ELAC2: variants seen among roughly 807,000 people sequenced by gnomAD.
ELAC2 encodes zinc phosphodiesterase ELAC protein 2.
ELAC2 carries 92 observed loss-of-function variants against 105.2 expected under a neutral mutation model. That is an observed-to-expected ratio of 0.87 (90% CI 0.74 to 1.04). The LOEUF is 1.04. Among genes scored for constraint, ELAC2 ranks in the 50% least tolerant of loss-of-function variants. The pLI is 0.00. For synonymous variants in ELAC2, 468 were observed against 409.1 expected, an observed-to-expected ratio of 1.14 and a Z score of -1.74; for missense variants, 1,099 against 1,071.7, an observed-to-expected ratio of 1.03 and a Z score of -0.36.
rs751069541 is a variant in ELAC2 at position 13,003,459 on chromosome 17, C to T, written c.1079+20G>A. ...TGCCCAGAAGAGTTACCCCAAGTGC[C>T]GCTGGGCTGGGCTCCATACCTCTCC... is the stretch of plus-strand genomic sequence containing the variant. On this transcript the variant is annotated intron_variant, in intron 12 of 23. Transcript: ENST00000338034. The T allele has an allele frequency of 3.7e-6, 6 of 1,611,804 alleles. No individual in the cohort carries two copies. The highest frequency in any genetic ancestry group is 2.2e-5 in the East Asian group (1 of 44,882).
intron 17 of ELAC2, chr17:12,996,275 CT>C: frequency 1.6e-6 from 1 of 634,510 alleles, no homozygotes. Context: ...AAAGCTTCCG[CT>C]GAGCAGGCCG....
In ELAC2 at chr17:13,015,805, C is replaced by G. The variant is rs377463613; in HGVS notation, c.395G>C (p.Gly132Ala). 1.3e-4 allele frequency: 206 copies of G among 1,613,872 alleles called. No homozygotes were observed. The highest frequency in any genetic ancestry group is 1.6e-4 in the Non-Finnish European group (189 of 1,179,942). ...TCCAGAAAGTACACACTTTGGAAGC[C>G]CGGTTTCCTTTAAAGTAAGAATCAT... ...SGMILTLKET[G>A]LPKCVLSGPP... The change falls in exon 4 of 24, where the codon GGG (glycine) becomes GCG (alanine). Residue 132 changes from glycine to alanine, a missense_variant. Physicochemically the swap from Gly to Ala is moderately conservative, Grantham distance 60. Coordinates refer to ENST00000338034, the MANE Select transcript of ELAC2 (RefSeq NM_018127.7).
At chr17:12,996,383 G>T in intron 17 of ELAC2, 164 bp downstream of exon 17, 1 of 962,960 alleles carries the variant, frequency 1.0e-6, no homozygotes, top group South Asian at 1.4e-5. Flanking sequence ...TTGTGGCGCA[G>T]AAGGACTATG....
chr17:12,995,616 G>T, intron 19 of ELAC2, 87 bp downstream of exon 19: 3 of 1,301,378 alleles, frequency 2.3e-6, no homozygotes, highest in East Asian at 2.5e-5. Context: ...GGGGGATATT[G>T]GTAACTACCC....
chr17:13,010,527 T>C (rs762351713), intron 8 of ELAC2, 86 bp downstream of exon 8: 3 of 1,240,630 alleles, frequency 2.4e-6, no homozygotes, highest in Non-Finnish European at 3.5e-6. Flanking sequence ...CAGGAGTGCC[T>C]ACCCTCAAAT....
At chr17:12,995,107 G>C (rs1567743174) in intron 19 of ELAC2, 45 bp from the exon 20 acceptor site, 1 of 1,601,006 alleles carries the variant, frequency 6.2e-7, no homozygotes, top group East Asian at 2.2e-5. Context: ...ACGTTTCTTG[G>C]ACATCTGGAA....
intron 1 of ELAC2, 55 bp from the exon 2 acceptor site, chr17:13,017,176 T>C (rs1309835508): frequency 6.8e-7 from 1 of 1,460,082 alleles, no homozygotes; most frequent in Non-Finnish European, 9.6e-7. Flanking sequence ...GTAAACTCTC[T>C]GACACCAATT....
chr17:12,995,838 C>G (rs1359736382), intron 18 of ELAC2, 26 bp from the exon 19 acceptor site: 1 of 1,595,756 alleles, frequency 6.3e-7, no homozygotes, highest in Non-Finnish European at 8.5e-7. Flanking sequence ...CAAGTGCCGA[C>G]TCGACGACAG....
intron 8 of ELAC2, among the ~76,000 whole-genome samples, chr17:13,009,880 T>C (rs548357211): frequency 1.3e-5 from 2 of 151,678 alleles, no homozygotes; most frequent in Non-Finnish European, 2.9e-5. Context: ...TCCTAGCTAC[T>C]TGGGAGGCTG....
rs1395625194 is a variant in ELAC2, at chr17:12,992,190, A to AGTT, written c.*625_*627dup. Among the ~76,000 whole-genome samples, 3 of 152,130 alleles carry AGTT rather than the reference A, an allele frequency of 2.0e-5. No homozygotes were observed. The highest frequency in any genetic ancestry group is 1.3e-4 in the Admixed American group (2 of 15,270). ...CCCTGCTGTGAGCTGGCACAGCTCG[A>AGTT]GTTGTCAAAAAGACTTGGCGAATAA... On this transcript the variant is annotated 3_prime_UTR_variant, in exon 24 of 24. Coordinates refer to ENST00000338034, the MANE Select transcript of ELAC2 (RefSeq NM_018127.7).
chr17:13,005,715 A>AC, intron 10 of ELAC2, 38 bp downstream of exon 10: 1 of 1,600,424 alleles, frequency 6.2e-7, no homozygotes, highest in Non-Finnish European at 8.5e-7. Flanking sequence ...TTCAGACCCT[A>AC]CCTGTAACTG....
rs2041532979 is a variant in ELAC2, at chr17:13,013,352, C to A, written c.491-77G>T. 3 of 1,457,118 alleles carry A rather than the reference C, an allele frequency of 2.1e-6. No individual in the cohort carries two copies. The South Asian group carries it at 3.5e-5, about 17-fold the overall frequency. The allele number at this position is 1,457,118 out of a possible 1,614,324, so 90.3% of individuals were successfully genotyped here. The stretch of plus-strand genomic sequence containing the variant: ...GGAAGAGTAACTTCAGGATCACCAA[C>A]CACGAGCAACTGAATTGCCTCAGAA... On this transcript the variant is annotated intron_variant, in intron 5 of 23. Coordinates refer to ENST00000338034, the MANE Select transcript of ELAC2 (RefSeq NM_018127.7).
intron 23 of ELAC2, 32 bp from the exon 24 acceptor site, chr17:12,993,077 C>T (rs1236521503): frequency 1.7e-5 from 27 of 1,594,844 alleles, no homozygotes; most frequent in Non-Finnish European, 2.3e-5. Flanking sequence ...AAGGACATGT[C>T]TCAGAGGGGC....
At position 13,017,800 on chromosome 17, in the gene ELAC2, C is replaced by G; in HGVS notation, c.148G>C (p.Gly50Arg). 1 of 1,605,590 alleles carries G rather than the reference C, an allele frequency of 6.2e-7. No individual in the cohort carries two copies. The highest frequency in any genetic ancestry group is 1.7e-5 in the Admixed American group (1 of 59,008). ...LRTREKRGPS[G>R]CSGGPNTVYL... The stretch of plus-strand genomic sequence containing the variant: ...ACGGTGTTTGGGCCGCCGGAGCACC[C>G]CGACGGTCCGCGCTTCTCTCGCGTG... Residue 50 changes from glycine to arginine, a missense_variant, in exon 1 of 24, where the codon GGG becomes CGG. Gly to Arg is a moderately radical substitution (Grantham distance 125). Transcript: ENST00000338034.
chr17:13,014,731 G>T (rs2041626351), intron 4 of ELAC2, among the ~76,000 whole-genome samples: 1 of 152,140 alleles, frequency 6.6e-6, no homozygotes, highest in Non-Finnish European at 1.5e-5. Context: ...GAGACAAAAG[G>T]AAACACGATA....
In ELAC2 at chr17:13,015,675, G is replaced by A. The variant is rs1384912021; in HGVS notation, c.432+93C>T. The stretch of plus-strand genomic sequence containing the variant: ...GTTTCAACGACCAGGTATCTCTGGA[G>A]GGCAGAAGACTGATTTGCAAAAAGG... On this transcript the variant is annotated intron_variant, in intron 4 of 23. Coordinates refer to ENST00000338034, the MANE Select transcript of ELAC2 (RefSeq NM_018127.7). 8.6e-6 allele frequency: 9 copies of A among 1,041,886 alleles called. No homozygotes were observed. The East Asian group carries it at 2.1e-4, about 25-fold the overall frequency. 64.5% of individuals were successfully genotyped at this position (1,041,886 alleles called of 1,614,324 possible).
intron 11 of ELAC2, 55 bp downstream of exon 11, chr17:13,004,934 G>C (rs199640399): frequency 1.6e-5 from 21 of 1,353,902 alleles, no homozygotes; most frequent in Non-Finnish European, 2.0e-5. Context: ...TGCCCATGTC[G>C]ATGCTGGGCT....
Position 12,992,906 on chromosome 17 carries a change from T to C in ELAC2, c.2393A>G (p.Glu798Gly). ...CCCATCCTCCAGGCCGCCTGCCAGC[T>C]CCCTGGACAGGAGGGCCGCCCGCAC... ...RQVRAALLSRELAGGLEDGEP... is the reference protein window; with the variant it reads ...RQVRAALLSRGLAGGLEDGEP... The change falls in exon 24 of 24, where the codon GAG becomes GGG. Residue 798 changes from glutamate (E) to glycine (G), a missense_variant. Physicochemically the swap from Glu to Gly is moderately conservative, Grantham distance 98 (BLOSUM62 -2). Transcript: ENST00000338034. The C allele has an allele frequency of 6.2e-7, 1 of 1,611,848 alleles. No individual in the cohort carries two copies. Among genetic ancestry groups the C allele is most frequent in the Middle Eastern group, 1.7e-4 (1 of 6,058 alleles).
rs1255859974 is a variant in ELAC2, at chr17:13,000,308, G to A, written c.1305-34C>T. On this transcript the variant is annotated intron_variant, in intron 14 of 23. Transcript: ENST00000338034. ...AGAGAGAGAAGCATCTCAGGTGACG[G>A]ACAGGGTATATGGCCTCAGCAGACC... The A allele has an allele frequency of 1.9e-6, 3 of 1,597,000 alleles. No homozygotes were observed. The African/African-American group carries it at 4.0e-5, about 21-fold the overall frequency.
Sources: gnomAD v4.1 joint callset for allele counts (sites outside exome capture counted in the v4.1 genomes callset) on GRCh38, gnomAD v4.1.1 for gene constraint, MANE v1.5 for transcripts, NCBI Gene and HGNC (gene_info 2026-07-23, HGNC 2026-07-21) for gene names.